Variants in CDC42BPA observed in about 807,000 individuals in gnomAD.
The protein encoded by CDC42BPA is serine/threonine-protein kinase MRCK alpha.
CDC42BPA carries 80 observed loss-of-function variants against 223.5 expected under a neutral mutation model. The ratio of observed to expected loss-of-function variants is 0.36; its 90% confidence interval spans 0.30 to 0.43. CDC42BPA has a LOEUF of 0.43. Ranked by LOEUF, CDC42BPA falls within the 20% of genes least tolerant of loss-of-function variation. The probability of loss-of-function intolerance (pLI) is 1.00; values close to 1 mark genes in which losing one functional copy is unlikely to be tolerated. For synonymous variants in CDC42BPA, 694 were observed against 718.6 expected (o/e 0.97, Z 0.55); for missense variants, 1,743 against 2,099.9 (o/e 0.83, Z 3.32).
At chr1:227,200,751 A>G (rs1262035998) in intron 3 of CDC42BPA, among the ~76,000 whole-genome samples, 2 of 152,216 alleles carry the variant, frequency 1.3e-5, no homozygotes, top group African/African-American at 4.8e-5. Flanking sequence ...TGAAAATTTC[A>G]ACTCCACCAT....
At chr1:227,228,410 T>C (rs1448163467) in intron 2 of CDC42BPA, among the ~76,000 whole-genome samples, 1 of 152,240 alleles carries the variant, frequency 6.6e-6, no homozygotes, top group Admixed American at 6.5e-5. Context: ...TACCACATTT[T>C]GTTTATGCAT....
chr1:227,162,996 ATG>A (rs762717396), intron 5 of CDC42BPA, among the ~76,000 whole-genome samples: 13 of 63,416 alleles, frequency 2.0e-4, no homozygotes, highest in Non-Finnish European at 4.6e-4. Flanking sequence ...GTTTCCAAAC[ATG>A]TGTATGTTTC....
chr1:227,299,586 T>C (rs1195692412), intron 1 of CDC42BPA, among the ~76,000 whole-genome samples: 3 of 152,192 alleles, frequency 2.0e-5, no homozygotes, highest in African/African-American at 4.8e-5. Context: ...TTAAATTCTA[T>C]TGATTCTCAG....
At chr1:227,109,393 TCTCACTCTGTCAC>T (rs1330385596) in intron 14 of CDC42BPA, among the ~76,000 whole-genome samples, 2 of 151,856 alleles carry the variant, frequency 1.3e-5, no homozygotes, top group Non-Finnish European at 2.9e-5. Flanking sequence ...TGAGACAGAG[TCTCACTCTGTCAC>T]CCAGGCTGGA....
chr1:227,046,024 T>C (rs1672372221), intron 23 of CDC42BPA, among the ~76,000 whole-genome samples: 1 of 152,108 alleles, frequency 6.6e-6, no homozygotes, highest in Admixed American at 6.5e-5. Flanking sequence ...CAGGTAGGTC[T>C]CGAACTCCTG....
intron 14 of CDC42BPA, among the ~76,000 whole-genome samples, chr1:227,104,065 G>A (rs1486851097): frequency 2.0e-5 from 3 of 152,074 alleles, no homozygotes; most frequent in African/African-American, 7.2e-5. Context: ...AGAGTTTTAT[G>A]AATTGGTAAG....
intron 23 of CDC42BPA, among the ~76,000 whole-genome samples, chr1:227,042,297 G>GAGATATATATATATATATAT (rs922408596): frequency 0.011 from 1,681 of 147,620 alleles, 22 homozygotes; most frequent in African/African-American, 0.016. Flanking sequence ...ATACATATAT[G>GAGATATATATATATATATAT]ATATATATAT....
chr1:227,002,106 T>G (rs1444974582), intron 35 of CDC42BPA, among the ~76,000 whole-genome samples: 3 of 150,014 alleles, frequency 2.0e-5, no homozygotes, highest in African/African-American at 4.8e-5. Flanking sequence ...CTTAATGTGT[T>G]TGTTTGTCAT....
intron 35 of CDC42BPA, among the ~76,000 whole-genome samples, chr1:226,995,991 C>A (rs551907208): frequency 5.3e-5 from 8 of 152,294 alleles, no homozygotes; most frequent in Non-Finnish European, 1.0e-4. Flanking sequence ...TAGTTTAAAG[C>A]AGCACATTTA....
At chr1:227,225,413 A>T (rs1446980596) in intron 2 of CDC42BPA, among the ~76,000 whole-genome samples, 2 of 152,206 alleles carry the variant, frequency 1.3e-5, no homozygotes, top group African/African-American at 4.8e-5. Context: ...CCCTTGATTT[A>T]AAAAATTACA....
At chr1:227,156,032 T>C (rs965462954) in intron 6 of CDC42BPA, among the ~76,000 whole-genome samples, 8 of 152,076 alleles carry the variant, frequency 5.3e-5, no homozygotes, top group African/African-American at 9.7e-5. Flanking sequence ...GCGTGGGTGA[T>C]AGAGCAAGAC....
intron 10 of CDC42BPA, among the ~76,000 whole-genome samples, chr1:227,137,795 C>A (rs1026926876): frequency 3.3e-5 from 5 of 151,752 alleles, no homozygotes; most frequent in Admixed American, 6.6e-5. Context: ...ATATGAAGAT[C>A]AAAAACCGGT....
chr1:227,274,266 C>A (rs1013504640), intron 1 of CDC42BPA, among the ~76,000 whole-genome samples: 13 of 152,090 alleles, frequency 8.5e-5, no homozygotes, highest in African/African-American at 2.9e-4. Context: ...TAGCTATGAT[C>A]CAAAAGTAGG....
In CDC42BPA at chr1:226,991,807, ACCT is replaced by A. The variant is rs1660770747; in HGVS notation, c.*2458_*2460del. On this transcript the variant is annotated 3_prime_UTR_variant, in exon 37 of 37. Transcript: ENST00000366766. Reference sequence around the variant, plus strand: ...TAAAAGCATCCTTTGCAAAATAAGCACCTATAAGCAACAAAAATTCATAATTAC... The same window carrying A: ...TAAAAGCATCCTTTGCAAAATAAGCAATAAGCAACAAAAATTCATAATTAC... 1 of 60,054 alleles carries A rather than the reference ACCT, an allele frequency of 1.7e-5. No homozygotes were observed. Among genetic ancestry groups the A allele is most frequent in the Admixed American group, 1.5e-4 (1 of 6,850 alleles). 3.7% of individuals were successfully genotyped at this position (60,054 alleles called of 1,614,324 possible). A position where few individuals can be genotyped will look rare whatever the true frequency, so the allele number is the denominator to read the frequency against.
intron 15 of CDC42BPA, among the ~76,000 whole-genome samples, chr1:227,096,395 G>A (rs1048385955): frequency 2.6e-5 from 4 of 152,180 alleles, no homozygotes; most frequent in Non-Finnish European, 5.9e-5. Flanking sequence ...CCCATACCCT[G>A]TGTCACAATT....
At chr1:227,268,262 A>G (rs1006903428) in intron 1 of CDC42BPA, among the ~76,000 whole-genome samples, 1 of 152,166 alleles carries the variant, frequency 6.6e-6, no homozygotes, top group Non-Finnish European at 1.5e-5. Context: ...CTTTCACGAC[A>G]TAAGGGCTGA....
chr1:227,206,872 T>C (rs1161453539), intron 3 of CDC42BPA, among the ~76,000 whole-genome samples: 2 of 152,178 alleles, frequency 1.3e-5, no homozygotes, highest in Non-Finnish European at 2.9e-5. Flanking sequence ...TATTTGCTAA[T>C]ATTTTGTTAA....
intron 1 of CDC42BPA, among the ~76,000 whole-genome samples, chr1:227,271,757 A>G (rs1433027752): frequency 6.6e-6 from 1 of 152,186 alleles, no homozygotes; most frequent in Non-Finnish European, 1.5e-5. Context: ...CTGAGCACCT[A>G]TTCAATACCA....
At chr1:227,270,882 T>C (rs1443028932) in intron 1 of CDC42BPA, among the ~76,000 whole-genome samples, 2 of 152,196 alleles carry the variant, frequency 1.3e-5, no homozygotes. Flanking sequence ...CAAGGTTCAG[T>C]GATGTTGCAC....
Sources: allele counts gnomAD v4.1 joint callset (sites outside exome capture counted in the v4.1 genomes callset), GRCh38; gene constraint gnomAD v4.1.1; transcripts MANE v1.5; gene names NCBI Gene and HGNC (gene_info 2026-07-23, HGNC 2026-07-21).